The following ZPBP variants were observed in gnomAD, a reference collection of about 807,000 sequenced individuals.
The protein encoded by ZPBP is zona pellucida binding protein.
ZPBP carries 26 observed loss-of-function variants against 44.8 expected under a neutral mutation model. That is an observed-to-expected ratio of 0.58 (90% confidence interval 0.43 to 0.81). The LOEUF is 0.81. Ranked by LOEUF, ZPBP falls within the 30% of genes least tolerant of loss-of-function variation. ZPBP has a pLI of 0.00. For synonymous variants in ZPBP, 174 were observed against 153.2 expected, an observed-to-expected ratio of 1.14 and a Z score of -1.00; for missense variants, 409 against 434.0, an observed-to-expected ratio of 0.94 and a Z score of 0.51.
At chr7:49,995,912 A>G (rs2128791312) in intron 6 of ZPBP, among the ~76,000 whole-genome samples, 1 of 152,310 alleles carries the variant, frequency 6.6e-6, no homozygotes, top group African/African-American at 2.4e-5. Context: ...ATTAATGGAT[A>G]CAAACATAAA....
chr7:49,922,434 C>T lies in ZPBP; in HGVS notation n.411+13317G>A, dbSNP rs937953306. Among the ~76,000 whole-genome samples the T allele has an allele frequency of 4.6e-5, 7 of 152,204 alleles. No homozygotes were observed. The South Asian group carries it at 8.3e-4, about 18-fold the overall frequency. On this transcript the variant is annotated intron_variant and non_coding_transcript_variant, in intron 1 of 2. Coordinates refer to the ZPBP transcript ENST00000465922. ...TCTTAAGGCTACGAACTTCCCATTC[C>T]GGAACTGGAAGATTAGGCAATTTAG...
intron 4 of ZPBP, among the ~76,000 whole-genome samples, chr7:50,050,832 C>T (rs1322289867): frequency 1.4e-5 from 2 of 140,356 alleles, no homozygotes; most frequent in Non-Finnish European, 3.1e-5. Context: ...TTATAAAAAC[C>T]CTAGAAGAAA....
intron 4 of ZPBP, among the ~76,000 whole-genome samples, chr7:50,037,140 T>C (rs1584094302): frequency 6.6e-6 from 1 of 152,190 alleles, no homozygotes; most frequent in East Asian, 1.9e-4. Context: ...CAAGAAGAAA[T>C]AAACTGAATA....
intron 3 of ZPBP, 85 bp downstream of exon 3, chr7:50,081,689 T>C (rs1222517162): frequency 1.4e-6 from 2 of 1,474,856 alleles, no homozygotes; most frequent in East Asian, 2.3e-5. Context: ...ATAACATAAA[T>C]ATGTATGAGA....
chr7:50,038,326 A>AT (rs1236633240), intron 4 of ZPBP, among the ~76,000 whole-genome samples: 1 of 152,214 alleles, frequency 6.6e-6, no homozygotes, highest in African/African-American at 2.4e-5. Flanking sequence ...CTGAGAACAG[A>AT]TTCATAGATT....
intron 2 of ZPBP, among the ~76,000 whole-genome samples, chr7:49,881,226 G>T (rs1478890238): frequency 2.0e-5 from 3 of 152,078 alleles, no homozygotes; most frequent in African/African-American, 7.2e-5. Context: ...GTCCTGTTCA[G>T]GTTGCCTCAG....
intron 7 of ZPBP, among the ~76,000 whole-genome samples, chr7:49,949,589 A>C (rs1384685220): frequency 6.6e-6 from 1 of 152,016 alleles, no homozygotes; most frequent in Non-Finnish European, 1.5e-5. Flanking sequence ...ACATTTATAG[A>C]GAAAAAATGT....
intron 3 of ZPBP, among the ~76,000 whole-genome samples, chr7:50,069,325 T>G (rs1435760186): frequency 2.0e-5 from 3 of 152,182 alleles, no homozygotes; most frequent in Non-Finnish European, 4.4e-5. Flanking sequence ...ATTTTTACTT[T>G]CACTATTGGC....
chr7:49,975,667 G>A (rs1796480572), intron 7 of ZPBP, among the ~76,000 whole-genome samples: 1 of 152,208 alleles, frequency 6.6e-6, no homozygotes, highest in Non-Finnish European at 1.5e-5. Flanking sequence ...CCAAGTGGGT[G>A]AGGTGTGCTG....
chr7:50,082,113 G>A (rs760822269), intron 2 of ZPBP, among the ~76,000 whole-genome samples: 2 of 151,836 alleles, frequency 1.3e-5, no homozygotes, highest in Non-Finnish European at 2.9e-5. Flanking sequence ...ATGCATGTAT[G>A]TGTGTGTACA....
intron 1 of ZPBP, among the ~76,000 whole-genome samples, chr7:49,923,625 T>TTCTTCG (rs1189939140): frequency 6.6e-6 from 1 of 152,032 alleles, no homozygotes; most frequent in East Asian, 1.9e-4. Flanking sequence ...CTTCTTCTTC[T>TTCTTCG]TCTAATAGTC....
chr7:49,915,889 G>A (rs1057304435), intron 1 of ZPBP: 1 of 152,102 alleles, frequency 6.6e-6, no homozygotes, highest in Non-Finnish European at 1.5e-5. Flanking sequence ...AACATAATTT[G>A]TAACTGTCTT....
intron 3 of ZPBP, among the ~76,000 whole-genome samples, chr7:50,067,775 G>A (rs1458179182): frequency 6.6e-6 from 1 of 152,188 alleles, no homozygotes; most frequent in Non-Finnish European, 1.5e-5. Flanking sequence ...GTAGGGCAGT[G>A]GCAGCTAGTG....
chr7:49,991,777 G>C (rs1358695052), intron 6 of ZPBP, among the ~76,000 whole-genome samples: 1 of 151,894 alleles, frequency 6.6e-6, no homozygotes, highest in Non-Finnish European at 1.5e-5. Flanking sequence ...TTTAAAAATA[G>C]GAAAAATATG....
At chr7:50,004,169 C>A (rs1017071737) in intron 6 of ZPBP, among the ~76,000 whole-genome samples, 3 of 152,052 alleles carry the variant, frequency 2.0e-5, no homozygotes, top group Non-Finnish European at 2.9e-5. Context: ...TGTTCAGCTG[C>A]CACCACAGCT....
intron 1 of ZPBP, chr7:49,921,775 A>G (rs953440682): frequency 6.6e-5 from 10 of 152,218 alleles, no homozygotes; most frequent in African/African-American, 2.4e-4. Flanking sequence ...CATTTAACAC[A>G]TATAATTTAT....
chr7:49,892,570 G>A (rs191075260), intron 2 of ZPBP, among the ~76,000 whole-genome samples: 257 of 152,284 alleles, frequency 1.7e-3, no homozygotes, highest in Non-Finnish European at 2.9e-3. Context: ...CCAGGCCCTG[G>A]TCATGTTCTG....
intron 7 of ZPBP, chr7:49,943,615 G>T: frequency 2.9e-6 from 1 of 345,782 alleles, no homozygotes; most frequent in South Asian, 2.7e-5. Context: ...CTAATCCAAG[G>T]AGAGGACAGC....
chr7:49,851,167 C>A (rs528474091), intron 2 of ZPBP, among the ~76,000 whole-genome samples: 1 of 152,230 alleles, frequency 6.6e-6, no homozygotes, highest in Admixed American at 6.5e-5. Flanking sequence ...TCACTGCAGG[C>A]TCTGCCTCCG....
Sources: allele counts gnomAD v4.1 joint callset (sites outside exome capture counted in the v4.1 genomes callset), GRCh38; gene constraint gnomAD v4.1.1; transcripts MANE v1.5; gene names NCBI Gene and HGNC (gene_info 2026-07-23, HGNC 2026-07-21).